The following ATXN1 variants were observed in gnomAD, a reference collection of about 807,000 sequenced individuals.
ATXN1 encodes ataxin 1.
Under a neutral mutation model 56.4 loss-of-function variants are expected in ATXN1, and 8 were observed. The observed-to-expected ratio is 0.14, with a 90% CI of 0.08 to 0.26. The LOEUF (loss-of-function observed/expected upper bound fraction) is 0.26, where lower values mean the gene tolerates loss of function less well. ATXN1 is among the 10% of genes least tolerant of loss of function. The pLI is 1.00. For missense variants in ATXN1, 987 were observed against 1,106.5 expected (o/e 0.89, Z 1.53); for synonymous variants, 514 against 494.6 (o/e 1.04, Z -0.52).
intron 3 of ATXN1, among the ~76,000 whole-genome samples, chr6:16,617,044 T>A (rs1763227099): frequency 6.6e-6 from 1 of 152,070 alleles, no homozygotes; most frequent in Non-Finnish European, 1.5e-5. Context: ...AAAAACACAA[T>A]CTATATAGGG....
At chr6:16,397,599 T>G (rs1056709081) in intron 6 of ATXN1, among the ~76,000 whole-genome samples, 1 of 152,168 alleles carries the variant, frequency 6.6e-6, no homozygotes, top group African/African-American at 2.4e-5. Context: ...TCCAACTTTT[T>G]CTTAAGTGAA....
In ATXN1 at chr6:16,300,092, G is replaced by A. The variant is rs1355439945; in HGVS notation, c.*6237C>T. 1 of 152,620 alleles carries A rather than the reference G, an allele frequency of 6.6e-6. No homozygotes were observed. 9.5% of individuals were successfully genotyped at this position (152,620 alleles called of 1,614,324 possible). A position where few individuals can be genotyped will look rare whatever the true frequency, so the allele number is the denominator to read the frequency against. ...GATTACTGTAAACAACACTTCCAAC[G>A]AAGGCCTTCAGATTGGCCACAGAAA... On this transcript the variant is annotated 3_prime_UTR_variant, in exon 8 of 8. Coordinates refer to ENST00000436367, the MANE Select transcript of ATXN1 (RefSeq NM_001128164.2).
chr6:16,676,478 T>C (rs1398171164), intron 2 of ATXN1, among the ~76,000 whole-genome samples: 1 of 152,230 alleles, frequency 6.6e-6, no homozygotes, highest in Admixed American at 6.5e-5. Context: ...GTTAGGGACA[T>C]TGAAACATCT....
intron 6 of ATXN1, among the ~76,000 whole-genome samples, chr6:16,436,911 C>T (rs1759405801): frequency 6.6e-6 from 1 of 152,114 alleles, no homozygotes; most frequent in African/African-American, 2.4e-5. Flanking sequence ...CAGGAGGTTA[C>T]TGATGAACTC....
At position 16,306,508 on chromosome 6, in the gene ATXN1, A is replaced by G. The variant is rs748661808; in HGVS notation, c.2269T>C (p.Phe757Leu). 6.2e-7 allele frequency: 1 copy of G among 1,614,168 alleles called. No homozygotes were observed. Among genetic ancestry groups the G allele is most frequent in the East Asian group, 2.2e-5 (1 of 44,882 alleles). The change falls in exon 8 of 8, where the codon TTC becomes CTC. Residue 757 changes from phenylalanine to leucine, a missense_variant. Coordinates refer to ENST00000436367, the MANE Select transcript of ATXN1 (RefSeq NM_001128164.2). This position sits in a 1 kb window ranked among gnomAD's most constrained non-coding sequence, Gnocchi z 5.2. ...PEKMGLPAAP[F>L]LTKIEPSKPA... ...TTGCTGGGTTCTATTTTGGTGAGGA[A>G]GGGCGCTGCAGGCAATCCCATTTTC...
At chr6:16,715,441 C>T (rs760897748) in intron 2 of ATXN1, among the ~76,000 whole-genome samples, 3 of 152,274 alleles carry the variant, frequency 2.0e-5, no homozygotes, top group South Asian at 4.1e-4. Flanking sequence ...CTGCCATCAA[C>T]GGCAGTGGTT....
At chr6:16,676,943 T>C (rs1486453440) in intron 2 of ATXN1, among the ~76,000 whole-genome samples, 3 of 152,212 alleles carry the variant, frequency 2.0e-5, no homozygotes, top group Non-Finnish European at 4.4e-5. Flanking sequence ...CTGAACCCTC[T>C]GCTGTATTTT....
At chr6:16,612,155 G>A (rs12197536) in intron 3 of ATXN1, among the ~76,000 whole-genome samples, 8 of 151,732 alleles carry the variant, frequency 5.3e-5, no homozygotes, top group African/African-American at 1.9e-4. Context: ...CACCGCGCCC[G>A]GCCAGCAGAT....
intron 7 of ATXN1, among the ~76,000 whole-genome samples, chr6:16,310,606 C>G (rs1271352707): frequency 1.3e-5 from 2 of 152,166 alleles, no homozygotes; most frequent in Non-Finnish European, 2.9e-5. Context: ...CCTCAGACTC[C>G]CAAGTAGCTG....
At chr6:16,577,143 A>G (rs528613919) in intron 4 of ATXN1, among the ~76,000 whole-genome samples, 1 of 152,270 alleles carries the variant, frequency 6.6e-6, no homozygotes, top group African/African-American at 2.4e-5. Flanking sequence ...ACCTCCCTAA[A>G]TTAGGATTAT....
At chr6:16,656,200 T>C (rs1240856987) in intron 3 of ATXN1, among the ~76,000 whole-genome samples, 1 of 152,158 alleles carries the variant, frequency 6.6e-6, no homozygotes, top group African/African-American at 2.4e-5. Context: ...CCCGAGGACC[T>C]GGCTCCTTTC....
At chr6:16,318,066 G>A (rs924009642) in intron 7 of ATXN1, among the ~76,000 whole-genome samples, 4 of 152,132 alleles carry the variant, frequency 2.6e-5, no homozygotes, top group Admixed American at 1.3e-4. Context: ...GCACATACAC[G>A]CATATTTATG....
chr6:16,618,523 G>A (rs938297382), intron 3 of ATXN1, among the ~76,000 whole-genome samples: 2 of 152,198 alleles, frequency 1.3e-5, no homozygotes, highest in Admixed American at 6.5e-5. Flanking sequence ...CTGAGGTCAC[G>A]AGTTCGTGAC....
chr6:16,395,578 G>A (rs1427378305), intron 6 of ATXN1, among the ~76,000 whole-genome samples: 1 of 152,134 alleles, frequency 6.6e-6, no homozygotes, highest in Non-Finnish European at 1.5e-5. Flanking sequence ...GTCCTGCAGT[G>A]CCAGTCCTAT....
intron 5 of ATXN1, among the ~76,000 whole-genome samples, chr6:16,498,141 C>T (rs1760813551): frequency 6.6e-6 from 1 of 152,118 alleles, no homozygotes. Context: ...ACAGTCACTC[C>T]CTGTCCCCCA....
chr6:16,540,467 C>T (rs945267459), intron 4 of ATXN1, among the ~76,000 whole-genome samples: 1 of 152,214 alleles, frequency 6.6e-6, no homozygotes, highest in Non-Finnish European at 1.5e-5. Context: ...CCACCTCAGC[C>T]TCCCAGAGTG....
At chr6:16,515,776 G>A (rs1447075218) in intron 5 of ATXN1, among the ~76,000 whole-genome samples, 1 of 152,182 alleles carries the variant, frequency 6.6e-6, no homozygotes, top group East Asian at 1.9e-4. Context: ...CTGTTCACCA[G>A]GACCCCAGAT....
chr6:16,645,555 C>T (rs965977399), intron 3 of ATXN1, among the ~76,000 whole-genome samples: 1 of 151,904 alleles, frequency 6.6e-6, no homozygotes. Flanking sequence ...GGGTGGTGGC[C>T]GACTACAGAC....
intron 4 of ATXN1, among the ~76,000 whole-genome samples, chr6:16,552,926 G>A (rs1462920664): frequency 2.0e-5 from 3 of 152,244 alleles, no homozygotes; most frequent in South Asian, 2.1e-4. Flanking sequence ...ACGTATTTCC[G>A]ATGACAGAAT....
Sources: allele counts gnomAD v4.1 joint callset (sites outside exome capture counted in the v4.1 genomes callset), GRCh38; gene constraint gnomAD v4.1.1; non-coding constraint Gnocchi (gnomAD v3.1); transcripts MANE v1.5; gene names NCBI Gene and HGNC (gene_info 2026-07-23, HGNC 2026-07-21).